KLHL32: variants seen among roughly 807,000 people sequenced by gnomAD.
KLHL32 encodes the protein kelch-like protein 32.
KLHL32 carries 35 observed loss-of-function variants against 64.8 expected under a neutral mutation model. That is an observed-to-expected ratio of 0.54 (90% CI 0.41 to 0.72). KLHL32 has a LOEUF of 0.72. KLHL32 is among the 30% of genes least tolerant of loss of function. KLHL32 has a pLI of 0.00. For synonymous variants in KLHL32, 259 were observed against 281.0 expected, an observed-to-expected ratio of 0.92 and a Z score of 0.78; for missense variants, 589 against 768.5, an observed-to-expected ratio of 0.77 and a Z score of 2.76.
intron 5 of KLHL32, among the ~76,000 whole-genome samples, chr6:97,079,769 A>G (rs1792197170): frequency 6.6e-6 from 1 of 152,214 alleles, no homozygotes; most frequent in Non-Finnish European, 1.5e-5. Context: ...ACTATTTAAA[A>G]ATATTCCCTA....
At chr6:97,025,152 T>C (rs911639830) in intron 3 of KLHL32, 2 of 972,350 alleles carry the variant, frequency 2.1e-6, no homozygotes, top group African/African-American at 3.5e-5. Flanking sequence ...GATGAATTGG[T>C]ATAAAGAATT....
chr6:97,099,127 CT>C (rs1795362131), intron 6 of KLHL32, among the ~76,000 whole-genome samples: 1 of 152,210 alleles, frequency 6.6e-6, no homozygotes, highest in African/African-American at 2.4e-5. Context: ...CACGTCTGTA[CT>C]TTTTATATCA....
At position 97,029,070 on chromosome 6, in the gene KLHL32, C is replaced by T. The variant is rs550978185; in HGVS notation, c.205-12422C>T. ...GTGAGTTACCCAACTGCATGGTGAG[C>T]AGCAGTTTCTGGCCTTCACAATTAC... is the stretch of plus-strand genomic sequence containing the variant. On this transcript the variant is annotated intron_variant, in intron 3 of 10. Coordinates refer to ENST00000369261, the MANE Select transcript of KLHL32 (RefSeq NM_052904.4). 2.8e-4 allele frequency among the ~76,000 whole-genome samples: 42 copies of T among 152,318 alleles called. 1 individual carries two copies. Among genetic ancestry groups the T allele is most frequent in the Admixed American group, 9.2e-4 (14 of 15,298 alleles).
chr6:96,925,239 T>C (rs1769001771), intron 1 of KLHL32, among the ~76,000 whole-genome samples: 1 of 152,126 alleles, frequency 6.6e-6, no homozygotes, highest in East Asian at 1.9e-4. Flanking sequence ...TCCCTCCCCC[T>C]GAGCCCAATA....
chr6:97,005,937 C>T (rs1360315697), intron 3 of KLHL32, among the ~76,000 whole-genome samples: 1 of 151,864 alleles, frequency 6.6e-6, no homozygotes, highest in Non-Finnish European at 1.5e-5. Flanking sequence ...GTGGTATGTG[C>T]AGAAGAGAAG....
intron 6 of KLHL32, among the ~76,000 whole-genome samples, chr6:97,092,125 G>A (rs1794346428): frequency 6.6e-6 from 1 of 152,068 alleles, no homozygotes; most frequent in African/African-American, 2.4e-5. Flanking sequence ...AAGTAGCTGG[G>A]ATTACAGGCA....
intron 4 of KLHL32, among the ~76,000 whole-genome samples, chr6:97,054,685 A>T (rs1787509548): frequency 6.6e-6 from 1 of 152,230 alleles, no homozygotes; most frequent in African/African-American, 2.4e-5. Context: ...GAAGAAAATA[A>T]TAGGCATTTA....
chr6:97,098,975 G>A (rs1371912164), intron 6 of KLHL32, among the ~76,000 whole-genome samples: 6 of 152,192 alleles, frequency 3.9e-5, no homozygotes, highest in Non-Finnish European at 8.8e-5. Flanking sequence ...TGGGATCTGT[G>A]ACAATGAATT....
At chr6:96,998,372 T>A (rs1778643079) in intron 3 of KLHL32, among the ~76,000 whole-genome samples, 1 of 152,190 alleles carries the variant, frequency 6.6e-6, no homozygotes, top group Non-Finnish European at 1.5e-5. Context: ...ATTAAAACAG[T>A]TCTCAAAAAT....
chr6:97,054,933 T>G (rs537459518), intron 4 of KLHL32, among the ~76,000 whole-genome samples: 9 of 152,256 alleles, frequency 5.9e-5, no homozygotes, highest in African/African-American at 2.2e-4. Flanking sequence ...AGTGAGATCC[T>G]GTCTAAAAAA....
chr6:97,103,387 G>T (rs550235283), intron 6 of KLHL32, among the ~76,000 whole-genome samples: 1 of 151,986 alleles, frequency 6.6e-6, no homozygotes, highest in Non-Finnish European at 1.5e-5. Context: ...GTAATTTTTT[G>T]TATTTTTGGT....
chr6:97,005,091 A>G (rs547910546), intron 3 of KLHL32, among the ~76,000 whole-genome samples: 1 of 152,006 alleles, frequency 6.6e-6, no homozygotes, highest in Admixed American at 6.5e-5. Flanking sequence ...GTAGAATTTG[A>G]CTGTGAATCT....
intron 2 of KLHL32, among the ~76,000 whole-genome samples, chr6:96,968,429 T>C (rs1359265058): frequency 6.6e-6 from 1 of 151,824 alleles, no homozygotes; most frequent in Non-Finnish European, 1.5e-5. Flanking sequence ...TCAATAATAC[T>C]GAGGCTGAGA....
chr6:97,075,053 A>G (rs1336878890), intron 5 of KLHL32, among the ~76,000 whole-genome samples: 1 of 152,088 alleles, frequency 6.6e-6, no homozygotes, highest in Non-Finnish European at 1.5e-5. Flanking sequence ...CTTACTAGAG[A>G]ATTTCCCAAG....
At chr6:96,913,333 A>T in the KLHL32 span, among the ~76,000 whole-genome samples, 1 of 152,238 alleles carries the variant, frequency 6.6e-6, no homozygotes, top group East Asian at 1.9e-4. Context: ...GACTAACTGC[A>T]ATAACCAATC....
chr6:97,033,360 CT>C (rs1315912251), intron 3 of KLHL32, among the ~76,000 whole-genome samples: 1 of 152,040 alleles, frequency 6.6e-6, no homozygotes, highest in African/African-American at 2.4e-5. Context: ...GGATTTTCTT[CT>C]TTTTTAAGGC....
chr6:96,994,566 T>G, intron 3 of KLHL32: 16 of 985,356 alleles, frequency 1.6e-5, no homozygotes, highest in Non-Finnish European at 1.8e-5. Flanking sequence ...ACTGCAAGAG[T>G]AAGAAGGCCG....
intron 5 of KLHL32, among the ~76,000 whole-genome samples, chr6:97,076,141 T>C (rs1791559371): frequency 6.6e-6 from 1 of 152,212 alleles, no homozygotes; most frequent in African/African-American, 2.4e-5. Flanking sequence ...TATGGTCCAG[T>C]ATAATGTCTC....
intron 1 of KLHL32, among the ~76,000 whole-genome samples, chr6:96,960,118 G>A (rs1383635086): frequency 2.6e-5 from 4 of 152,266 alleles, no homozygotes; most frequent in Non-Finnish European, 4.4e-5. Flanking sequence ...AAGCTAGGGA[G>A]AAGTTAGCAC....
Sources: gnomAD v4.1 joint callset for allele counts (sites outside exome capture counted in the v4.1 genomes callset) on GRCh38, gnomAD v4.1.1 for gene constraint, MANE v1.5 for transcripts, NCBI Gene and HGNC (gene_info 2026-07-23, HGNC 2026-07-21) for gene names.